The following ANK1 variants were observed in gnomAD, a reference collection of about 807,000 sequenced individuals.
ANK1 encodes the protein ankyrin 1.
Under a neutral mutation model 210.4 loss-of-function variants are expected in ANK1, and 51 were observed. That is an observed-to-expected ratio of 0.24 (90% CI 0.19 to 0.31). The LOEUF is 0.31. ANK1 is among the 10% of genes least tolerant of loss of function. ANK1 has a pLI of 1.00. For synonymous variants in ANK1, 967 were observed against 1,025.9 expected, an observed-to-expected ratio of 0.94 and a Z score of 1.10; for missense variants, 2,051 against 2,504.4, an observed-to-expected ratio of 0.82 and a Z score of 3.86.
chr8:41,827,655 T>C (rs571768570), intron 1 of ANK1, among the ~76,000 whole-genome samples: 1 of 151,776 alleles, frequency 6.6e-6, no homozygotes, highest in South Asian at 2.1e-4. Flanking sequence ...CTCGAATACC[T>C]ACCCATCTCC....
rs77646170 is a variant in ANK1, at chr8:41,896,687, G to A, written c.-207C>T. On this transcript the variant is annotated 5_prime_UTR_variant, in exon 1 of 43. Transcript: ENST00000265709. Reference sequence around the variant, plus strand: ...GCGAGGGGCGGCTGCCCGCGGCCCGGGATGGCGCTGCCGCCGCGGCCGGAG... The same window carrying A: ...GCGAGGGGCGGCTGCCCGCGGCCCGAGATGGCGCTGCCGCCGCGGCCGGAG... 8.1e-5 allele frequency: 39 copies of A among 482,786 alleles called. No individual in the cohort carries two copies. The Admixed American group carries it at 1.6e-3, about 20-fold the overall frequency. 29.9% of individuals were successfully genotyped at this position (482,786 alleles called of 1,614,324 possible).
At chr8:41,881,125 A>G (rs1379655606) in intron 1 of ANK1, among the ~76,000 whole-genome samples, 2 of 152,228 alleles carry the variant, frequency 1.3e-5, no homozygotes, top group African/African-American at 2.4e-5. Flanking sequence ...TCCAGATGGC[A>G]GTTTCCTCAT....
At chr8:41,879,567 T>C (rs1485453296) in intron 1 of ANK1, among the ~76,000 whole-genome samples, 1 of 152,226 alleles carries the variant, frequency 6.6e-6, no homozygotes, top group East Asian at 1.9e-4. Context: ...CAAACAATTC[T>C]GCCACAGGCC....
chr8:41,792,737 T>A (rs1023767651), intron 1 of ANK1, among the ~76,000 whole-genome samples: 5 of 152,144 alleles, frequency 3.3e-5, no homozygotes, highest in African/African-American at 1.2e-4. Flanking sequence ...GAGAAACTAT[T>A]TTATGAATTT....
In ANK1 at chr8:41,694,126, A is replaced by G. The variant is rs892424986; in HGVS notation, c.3328-24T>C. On this transcript the variant is annotated intron_variant, in intron 28 of 42. Coordinates refer to ENST00000289734, the MANE Select transcript of ANK1 (RefSeq NM_000037.4). This position sits in a 1 kb window ranked among gnomAD's most constrained non-coding sequence, Gnocchi z 5.7. ...GCCTGTGAAATGACAGAGGCAGGAC[A>G]CTCAGGCCCAAGCAGGAGAGGGGCT... 6.2e-7 allele frequency: 1 copy of G among 1,608,166 alleles called. No individual in the cohort carries two copies. The highest frequency in any genetic ancestry group is 1.3e-5 in the African/African-American group (1 of 74,928).
chr8:41,737,328 C>T (rs998474662), intron 2 of ANK1, among the ~76,000 whole-genome samples: 3 of 152,116 alleles, frequency 2.0e-5, no homozygotes, highest in Non-Finnish European at 4.4e-5. Context: ...AAACCCAAAA[C>T]GATGTGTTTC....
chr8:41,775,405 GT>G (rs1418946554), intron 1 of ANK1, among the ~76,000 whole-genome samples: 1 of 152,166 alleles, frequency 6.6e-6, no homozygotes, highest in Non-Finnish European at 1.5e-5. Context: ...TGCCCCTGGA[GT>G]TTGTCCAGCC....
intron 1 of ANK1, among the ~76,000 whole-genome samples, chr8:41,806,939 C>T (rs750274928): frequency 6.6e-6 from 1 of 152,012 alleles, no homozygotes; most frequent in Non-Finnish European, 1.5e-5. Flanking sequence ...AAAAGTAAAT[C>T]CATAAAATTA....
At chr8:41,761,484 G>A (rs1181568360) in intron 1 of ANK1, among the ~76,000 whole-genome samples, 1 of 152,202 alleles carries the variant, frequency 6.6e-6, no homozygotes, top group East Asian at 1.9e-4. Flanking sequence ...AGGAAGCAAG[G>A]AACCTCTGGG....
intron 37 of ANK1, 193 bp downstream of exon 37, chr8:41,684,351 G>A (rs1283887477): frequency 1.4e-5 from 13 of 921,332 alleles, no homozygotes; most frequent in Non-Finnish European, 2.2e-5. Flanking sequence ...ACCTGCACAG[G>A]AGCAGCCATC....
chr8:41,693,754 A>C, intron 29 of ANK1, 144 bp downstream of exon 29: 1 of 935,326 alleles, frequency 1.1e-6, no homozygotes, highest in East Asian at 2.6e-5. Flanking sequence ...TCATCCTTCC[A>C]TCTCTTGGAA....
At chr8:41,809,657 A>G (rs964545463) in intron 1 of ANK1, among the ~76,000 whole-genome samples, 1 of 152,120 alleles carries the variant, frequency 6.6e-6, no homozygotes, top group Non-Finnish European at 1.5e-5. Context: ...AGCCCCAGCT[A>G]TTCGGGAGGC....
chr8:41,661,067 G>T, intron 42 of ANK1: 2 of 243,596 alleles, frequency 8.2e-6, no homozygotes, highest in Non-Finnish European at 1.6e-5. Flanking sequence ...TTTGTGATGG[G>T]GTCTTGCTCT....
In ANK1 at chr8:41,672,892, C is replaced by T. The variant is rs370459551; in HGVS notation, c.4558G>A (p.Glu1520Lys). The T allele has an allele frequency of 6.9e-6, 11 of 1,602,952 alleles. No homozygotes were observed. The highest frequency in any genetic ancestry group is 1.3e-5 in the African/African-American group (1 of 75,064). Residue 1520 changes from glutamate (E) to lysine (K), a missense_variant, in exon 38 of 43, where the codon GAG becomes AAG. By Grantham distance (56) the Glu-to-Lys change is moderately conservative. This residue lies in a region of ANK1 where 496 missense variants were observed against 533.4 expected (regional missense o/e 0.93). Coordinates refer to ENST00000289734, the MANE Select transcript of ANK1 (RefSeq NM_000037.4). The part of the protein sequence containing the change: ...QMNGYSSLQD[E>K]LLSPASLGCA... ...CCCAGGGAGGCAGGGGACAGCAGCT[C>T]GTCCTGCAGTGAGGAGTAACCTGGA... is the stretch of plus-strand genomic sequence containing the variant.
At chr8:41,746,204 T>G (rs1299187013) in intron 2 of ANK1, among the ~76,000 whole-genome samples, 1 of 152,178 alleles carries the variant, frequency 6.6e-6, no homozygotes, top group African/African-American at 2.4e-5. Flanking sequence ...CTAACCCGGA[T>G]AGTTTATGGC....
intron 10 of ANK1, among the ~76,000 whole-genome samples, chr8:41,719,169 A>C (rs1388858403): frequency 6.6e-6 from 1 of 152,168 alleles, no homozygotes; most frequent in African/African-American, 2.4e-5. Context: ...AGGCAGAGGA[A>C]CCACAGGAGG....
intron 20 of ANK1, among the ~76,000 whole-genome samples, chr8:41,703,450 A>ATATT (rs59985416): frequency 0.012 from 710 of 58,810 alleles, 21 homozygotes; most frequent in Non-Finnish European, 0.017. Context: ...ATATATATAT[A>ATATT]TTTTTTTTTT....
rs2304881 is a variant in ANK1 at position 41,701,380 on chromosome 8, T to G, written c.2461+170A>C. 0.45 allele frequency among the ~76,000 whole-genome samples: 68,352 copies of G among 152,072 alleles called. 17,503 individuals are homozygous for G. The highest frequency in any genetic ancestry group is 0.7 in the African/African-American group (29,209 of 41,474). Reference sequence around the variant, plus strand: ...CCTAAGTATTAATAGAGCAGTATTTTTGATAGTAGACAACAGTTATAAAAA... The same window carrying G: ...CCTAAGTATTAATAGAGCAGTATTTGTGATAGTAGACAACAGTTATAAAAA... On this transcript the variant is annotated intron_variant, in intron 22 of 42. Transcript: ENST00000289734.
chr8:41,803,636 T>C (rs1850506847), intron 1 of ANK1, among the ~76,000 whole-genome samples: 1 of 151,848 alleles, frequency 6.6e-6, no homozygotes, highest in African/African-American at 2.4e-5. Flanking sequence ...ATCTAGTTGC[T>C]GACTTAAATG....
Sources: allele counts gnomAD v4.1 joint callset (sites outside exome capture counted in the v4.1 genomes callset), GRCh38; gene constraint gnomAD v4.1.1; regional missense constraint gnomAD v4.1.1; non-coding constraint Gnocchi (gnomAD v3.1); transcripts MANE v1.5; gene names NCBI Gene and HGNC (gene_info 2026-07-23, HGNC 2026-07-21).